Variants in EFCAB6 observed in about 807,000 individuals in gnomAD.
The protein encoded by EFCAB6 is EF-hand calcium binding domain 6.
In EFCAB6, 156 loss-of-function variants were observed where a neutral mutation model predicts 169.8. That is an observed-to-expected ratio of 0.92 (90% CI 0.81 to 1.05). The LOEUF (loss-of-function observed/expected upper bound fraction) is 1.05, where lower values mean the gene tolerates loss of function less well. EFCAB6 is among the 50% of genes least tolerant of loss of function. The pLI is 0.00. For missense variants in EFCAB6, 1,800 were observed against 1,829.1 expected, an observed-to-expected ratio of 0.98 and a Z score of 0.29; for synonymous variants, 698 against 676.4, an observed-to-expected ratio of 1.03 and a Z score of -0.50.
At chr22:43,634,264 G>C (rs75600111) in intron 18 of EFCAB6, among the ~76,000 whole-genome samples, 29 of 152,204 alleles carry the variant, frequency 1.9e-4, no homozygotes, top group African/African-American at 5.1e-4. Flanking sequence ...ATCTACCCAG[G>C]GACGGTGCTG....
chr22:43,765,449 G>A lies in EFCAB6; in HGVS notation c.352-56C>T. The A allele has an allele frequency of 2.2e-6, 3 of 1,363,566 alleles. No individual in the cohort carries two copies. The Admixed American group carries it at 5.1e-5, about 23-fold the overall frequency. 84.5% of individuals were successfully genotyped at this position (1,363,566 alleles called of 1,614,324 possible). On this transcript the variant is annotated intron_variant, in intron 4 of 31. Coordinates refer to ENST00000262726, the MANE Select transcript of EFCAB6 (RefSeq NM_022785.4). ...TTAGAGAATTAAGATCCAAGCAATA[G>A]ACGGTAAAGCAGATTTCTAAATCAC... is the stretch of plus-strand genomic sequence containing the variant.
At chr22:43,577,474 C>T (rs771041389) in intron 25 of EFCAB6, among the ~76,000 whole-genome samples, 1 of 152,190 alleles carries the variant, frequency 6.6e-6, no homozygotes. Context: ...TAGCTGTGTA[C>T]AGTGGGAAAT....
intron 13 of EFCAB6, among the ~76,000 whole-genome samples, chr22:43,675,357 T>C (rs1181370673): frequency 2.4e-5 from 3 of 124,476 alleles, no homozygotes; most frequent in Non-Finnish European, 3.3e-5. Flanking sequence ...TATTATACTA[T>C]AATATATAAT....
At chr22:43,791,881 T>TGA (rs2062307045) in intron 2 of EFCAB6, among the ~76,000 whole-genome samples, 1 of 152,160 alleles carries the variant, frequency 6.6e-6, no homozygotes, top group Non-Finnish European at 1.5e-5. Context: ...ATCAGCAGCA[T>TGA]GTCTGAACAC....
chr22:43,704,741 C>CA (rs2058893346), intron 10 of EFCAB6, among the ~76,000 whole-genome samples: 1 of 151,672 alleles, frequency 6.6e-6, no homozygotes, highest in African/African-American at 2.4e-5. Context: ...AACAACAAAA[C>CA]AAAAATCTAT....
intron 12 of EFCAB6, among the ~76,000 whole-genome samples, chr22:43,679,335 C>T (rs1240529389): frequency 6.6e-6 from 1 of 152,074 alleles, no homozygotes; most frequent in Non-Finnish European, 1.5e-5. Context: ...TATTTTGCTC[C>T]TTTTTATTCC....
At chr22:43,646,910 T>C (rs187924696) in intron 17 of EFCAB6, among the ~76,000 whole-genome samples, 1 of 152,240 alleles carries the variant, frequency 6.6e-6, no homozygotes, top group Non-Finnish European at 1.5e-5. Context: ...TATGGCAATA[T>C]GCATTAAACA....
intron 2 of EFCAB6, among the ~76,000 whole-genome samples, chr22:43,806,671 A>C (rs1255506618): frequency 6.6e-6 from 1 of 152,190 alleles, no homozygotes; most frequent in Non-Finnish European, 1.5e-5. Context: ...CTCCCAACAC[A>C]CCACGTAGTT....
intron 25 of EFCAB6, among the ~76,000 whole-genome samples, chr22:43,577,017 CCT>C (rs2050302074): frequency 6.6e-6 from 1 of 152,142 alleles, no homozygotes; most frequent in Non-Finnish European, 1.5e-5. Flanking sequence ...TGACCCCACC[CCT>C]GTCCTTCACA....
At chr22:43,801,696 G>A (rs116170481) in intron 2 of EFCAB6, among the ~76,000 whole-genome samples, 4,600 of 152,224 alleles carry the variant, frequency 0.03, 264 homozygotes, top group African/African-American at 0.1. Flanking sequence ...TCTATAAGAT[G>A]TTTCTGTAAG....
In EFCAB6 at chr22:43,782,285, TA is replaced by T. The variant is rs762625110; in HGVS notation, c.33del (p.Arg12GlyfsTer47). ...AATTTTCGTGTGTGAGGATGCGACC[TA>T]AGCCAGTCTGGTATAATCGCCATTT... The part of the protein sequence containing the change: MCKMAIIPDW[L>X]RSHPHTRKFT... On this transcript the variant is annotated frameshift_variant, in exon 3 of 32. Transcript: ENST00000262726. LOFTEE classifies it high-confidence loss of function. The T allele has an allele frequency of 2.6e-5, 42 of 1,613,998 alleles. No individual in the cohort carries two copies. The highest frequency in any genetic ancestry group is 3.6e-5 in the Non-Finnish European group (42 of 1,179,982).
chr22:43,726,389 C>T (rs1321751708), intron 8 of EFCAB6, among the ~76,000 whole-genome samples: 1 of 151,840 alleles, frequency 6.6e-6, no homozygotes, highest in Non-Finnish European at 1.5e-5. Context: ...ATACAACCCT[C>T]CCAGCAGATA....
chr22:43,540,693 T>A, intron 27 of EFCAB6: 1 of 720,774 alleles, frequency 1.4e-6, no homozygotes, highest in South Asian at 1.9e-5. Context: ...TGGGAGAAAA[T>A]GCAAATCAGA....
At chr22:43,598,408 AG>A (rs1481091040) in intron 23 of EFCAB6, among the ~76,000 whole-genome samples, 1 of 150,780 alleles carries the variant, frequency 6.6e-6, no homozygotes, top group Non-Finnish European at 1.5e-5. Context: ...GAGGCTGGGA[AG>A]GGAAGGGTCG....
chr22:43,807,270 T>C (rs2062955575), intron 2 of EFCAB6, among the ~76,000 whole-genome samples: 1 of 152,200 alleles, frequency 6.6e-6, no homozygotes, highest in South Asian at 2.1e-4. Flanking sequence ...AGGAGTTCTG[T>C]AGCTCACCCC....
chr22:43,731,848 G>A (rs751973119), intron 7 of EFCAB6, 37 bp from the exon 8 acceptor site: 2 of 1,377,084 alleles, frequency 1.5e-6, no homozygotes, highest in African/African-American at 3.0e-5. Context: ...GAGAAATTAT[G>A]AATCTAAAAT....
intron 2 of EFCAB6, among the ~76,000 whole-genome samples, chr22:43,803,092 C>T (rs1181651183): frequency 2.0e-5 from 3 of 152,172 alleles, no homozygotes; most frequent in Non-Finnish European, 4.4e-5. Context: ...ATTTTTATGT[C>T]CTCTTTTCTC....
intron 3 of EFCAB6, among the ~76,000 whole-genome samples, chr22:43,776,405 C>T (rs1242597134): frequency 1.3e-5 from 2 of 152,128 alleles, no homozygotes; most frequent in Admixed American, 1.3e-4. Flanking sequence ...AGACGACAGA[C>T]AAGAAGCCAA....
At chr22:43,761,913 G>T (rs942994201) in intron 5 of EFCAB6, among the ~76,000 whole-genome samples, 1 of 152,036 alleles carries the variant, frequency 6.6e-6, no homozygotes, top group Non-Finnish European at 1.5e-5. Context: ...ATTCTATTGG[G>T]TATTACATCT....
Sources: allele counts gnomAD v4.1 joint callset (sites outside exome capture counted in the v4.1 genomes callset), GRCh38; gene constraint gnomAD v4.1.1; transcripts MANE v1.5; gene names NCBI Gene and HGNC (gene_info 2026-07-23, HGNC 2026-07-21).